The following CC2D2B variants were observed in gnomAD, a reference collection of about 807,000 sequenced individuals.
The protein encoded by CC2D2B is protein CC2D2B.
A neutral mutation model predicts 161.2 loss-of-function variants in CC2D2B; 128 were observed. The observed-to-expected ratio is 0.79, with a 90% CI of 0.69 to 0.92. The LOEUF is 0.92. CC2D2B is among the 40% of genes least tolerant of loss of function. CC2D2B has a pLI of 0.00. For synonymous variants in CC2D2B, 391 were observed against 449.8 expected (o/e 0.87, Z 1.65); for missense variants, 1,173 against 1,375.1 (o/e 0.85, Z 2.32).
At chr10:95,946,985 A>AACTCACC (rs2076218362) in intron 9 of CC2D2B, among the ~76,000 whole-genome samples, 1 of 150,236 alleles carries the variant, frequency 6.7e-6, no homozygotes, top group South Asian at 2.1e-4. Context: ...TATGCTAAGT[A>AACTCACC]ACTCACCAAC....
In CC2D2B at chr10:95,998,900, G is replaced by C. The variant is rs941084939; in HGVS notation, c.2849+2648G>C. ...GGAGGTCGAGGCGGGTGGATCACTA[G>C]AGGTCAAGAGTTTGAGACCAGCCTG... On this transcript the variant is annotated intron_variant, in intron 24 of 34. Transcript: ENST00000646931. 2.6e-5 allele frequency among the ~76,000 whole-genome samples: 4 copies of C among 152,140 alleles called. No individual in the cohort carries two copies. The East Asian group carries it at 7.7e-4, about 29-fold the overall frequency.
intron 25 of CC2D2B, among the ~76,000 whole-genome samples, chr10:96,008,168 C>CT (rs56354333): frequency 0.61 from 78,907 of 130,330 alleles, 24,260 homozygotes; most frequent in African/African-American, 0.63. Context: ...GGTATGTGTT[C>CT]TTTTTTTTTT....
intron 2 of CC2D2B, among the ~76,000 whole-genome samples, chr10:95,915,197 T>G (rs1012811649): frequency 6.6e-6 from 1 of 152,230 alleles, no homozygotes; most frequent in African/African-American, 2.4e-5. Context: ...TTTTCTAGAT[T>G]TCTTTTTCAG....
At chr10:95,940,855 T>G (rs991170810) in intron 9 of CC2D2B, among the ~76,000 whole-genome samples, 4 of 152,086 alleles carry the variant, frequency 2.6e-5, no homozygotes, top group Non-Finnish European at 5.9e-5. Context: ...TGACATTTTT[T>G]TACAGAAATG....
intron 33 of CC2D2B, among the ~76,000 whole-genome samples, chr10:96,025,192 A>ATAAATATAT (rs1554853793): frequency 2.0e-5 from 1 of 49,204 alleles, no homozygotes; most frequent in East Asian, 6.4e-4. Context: ...TATAAAAAAA[A>ATAAATATAT]ATATATATAT....
chr10:96,010,416 A>T (rs1261993122), intron 26 of CC2D2B, among the ~76,000 whole-genome samples: 1 of 152,152 alleles, frequency 6.6e-6, no homozygotes. Context: ...TTACTTCTTC[A>T]CTAAGTGATG....
chr10:96,007,421 C>CTGGGA (rs2141828092), intron 25 of CC2D2B, among the ~76,000 whole-genome samples: 1 of 152,274 alleles, frequency 6.6e-6, no homozygotes, highest in Non-Finnish European at 1.5e-5. Flanking sequence ...TCCAGCATCC[C>CTGGGA]TGGGACTTAG....
chr10:95,969,355 C>T (rs2077044720), intron 15 of CC2D2B, among the ~76,000 whole-genome samples: 1 of 151,914 alleles, frequency 6.6e-6, no homozygotes, highest in Admixed American at 6.6e-5. Context: ...AGAACATACA[C>T]ACAAAAGACC....
intron 25 of CC2D2B, among the ~76,000 whole-genome samples, chr10:96,004,545 A>G (rs1202552955): frequency 6.6e-6 from 1 of 152,252 alleles, no homozygotes; most frequent in Non-Finnish European, 1.5e-5. Context: ...TAGCCAATAC[A>G]GAAATATAAA....
intron 2 of CC2D2B, chr10:95,913,286 G>C: frequency 5.5e-6 from 1 of 180,902 alleles, no homozygotes; most frequent in South Asian, 9.2e-5. Context: ...GCAAGTGATA[G>C]GATCTCATTC....
At chr10:95,976,349 G>A (rs901948097) in intron 17 of CC2D2B, among the ~76,000 whole-genome samples, 50 of 152,294 alleles carry the variant, frequency 3.3e-4, no homozygotes, top group African/African-American at 8.7e-4. Flanking sequence ...GCTTGTCTCC[G>A]TTGTCTTACA....
At chr10:96,012,473 G>C in intron 27 of CC2D2B, 59 bp from the exon 28 acceptor site, 1 of 1,244,118 alleles carries the variant, frequency 8.0e-7, no homozygotes, top group Non-Finnish European at 1.2e-6. Flanking sequence ...ATTGGTTCTT[G>C]ATATTTTCTT....
chr10:95,989,688 T>C (rs1194644925), intron 20 of CC2D2B, among the ~76,000 whole-genome samples: 1 of 152,186 alleles, frequency 6.6e-6, no homozygotes, highest in African/African-American at 2.4e-5. Context: ...TGCTTGAACT[T>C]CATACAGGAA....
intron 9 of CC2D2B, among the ~76,000 whole-genome samples, chr10:95,941,770 T>C (rs1247931919): frequency 6.6e-6 from 1 of 152,176 alleles, no homozygotes; most frequent in African/African-American, 2.4e-5. Context: ...GCGACCACTA[T>C]GGAAAATGGT....
intron 19 of CC2D2B, among the ~76,000 whole-genome samples, chr10:95,987,041 G>C (rs1295204755): frequency 6.6e-6 from 1 of 152,082 alleles, no homozygotes; most frequent in Non-Finnish European, 1.5e-5. Flanking sequence ...AAAGTGATAT[G>C]AGGCCGGGTA....
At chr10:95,927,129 G>A (rs2098540808) in intron 5 of CC2D2B, 108 bp from the exon 6 acceptor site, 1 of 579,574 alleles carries the variant, frequency 1.7e-6, no homozygotes, top group Non-Finnish European at 3.0e-6. Flanking sequence ...GGTGCTCCCT[G>A]TTTGCTAGAG....
chr10:95,987,276 A>C (rs989833612), intron 19 of CC2D2B, among the ~76,000 whole-genome samples: 3 of 152,068 alleles, frequency 2.0e-5, no homozygotes, highest in African/African-American at 7.2e-5. Context: ...GTGAACTGAG[A>C]TCGTGCCACT....
chr10:95,933,310 T>C (rs1481856503), intron 6 of CC2D2B, among the ~76,000 whole-genome samples: 2 of 152,176 alleles, frequency 1.3e-5, no homozygotes, highest in Non-Finnish European at 2.9e-5. Context: ...CTTAGCTTCC[T>C]TGCATTAGGT....
chr10:95,910,884 C>A (rs2098505155), intron 1 of CC2D2B, among the ~76,000 whole-genome samples: 1 of 151,496 alleles, frequency 6.6e-6, no homozygotes, highest in Non-Finnish European at 1.5e-5. Context: ...TTTTCAGTAC[C>A]CTTTTTGTGA....
Sources: gnomAD v4.1 joint callset for allele counts (sites outside exome capture counted in the v4.1 genomes callset) on GRCh38, gnomAD v4.1.1 for gene constraint, MANE v1.5 for transcripts, NCBI Gene and HGNC (gene_info 2026-07-23, HGNC 2026-07-21) for gene names.